The following BCAS3 variants were observed in gnomAD, a reference collection of about 807,000 sequenced individuals.
The protein encoded by BCAS3 is BCAS4/BCAS3 fusion.
In BCAS3, 53 loss-of-function variants were observed where a neutral mutation model predicts 116.1. That is an observed-to-expected ratio of 0.46 (90% CI 0.37 to 0.57). The LOEUF (loss-of-function observed/expected upper bound fraction) is 0.57. BCAS3 is among the 20% of genes least tolerant of loss of function. BCAS3 has a pLI of 0.00. For synonymous variants in BCAS3, 391 were observed against 408.2 expected, an observed-to-expected ratio of 0.96 and a Z score of 0.51; for missense variants, 917 against 1,165.4, an observed-to-expected ratio of 0.79 and a Z score of 3.10.
rs1343804912 is a variant in BCAS3 at position 61,068,634 on chromosome 17, C to T, written c.2030-6286C>T. Among the ~76,000 whole-genome samples, 1 of 152,196 alleles carries T rather than the reference C, an allele frequency of 6.6e-6. No individual in the cohort carries two copies. Among genetic ancestry groups the T allele is most frequent in the Non-Finnish European group, 1.5e-5 (1 of 68,032 alleles). On this transcript the variant is annotated intron_variant, in intron 19 of 23. Coordinates refer to ENST00000407086, the MANE Select transcript of BCAS3 (RefSeq NM_017679.5). This position sits in a 1 kb window ranked among gnomAD's most constrained non-coding sequence, Gnocchi z 4.3. ...TCTACTCTTGTACCATGTGGGATCT[C>T]TTGCCACTTCCCTTAACTCTGCCCA...
intron 22 of BCAS3, among the ~76,000 whole-genome samples, chr17:61,296,024 A>T (rs1001397177): frequency 2.0e-5 from 3 of 152,098 alleles, no homozygotes; most frequent in Non-Finnish European, 4.4e-5. Context: ...TTGCTTAGAC[A>T]GCTCCTGCAT....
chr17:61,270,294 A>AT (rs926342343), intron 22 of BCAS3, among the ~76,000 whole-genome samples: 6 of 145,768 alleles, frequency 4.1e-5, no homozygotes, highest in East Asian at 2.0e-4. Flanking sequence ...TAATTTTTGT[A>AT]TTTTTTTTAG....
At chr17:60,868,544 A>T (rs756492551) in intron 7 of BCAS3, 32 bp from the exon 8 acceptor site, 3 of 1,400,238 alleles carry the variant, frequency 2.1e-6, no homozygotes, top group Non-Finnish European at 2.9e-6. Flanking sequence ...TTTTTAAAAA[A>T]ATGACATTTT....
chr17:60,706,832 CAG>C (rs1180276790), intron 4 of BCAS3, among the ~76,000 whole-genome samples: 2 of 134,976 alleles, frequency 1.5e-5, no homozygotes, highest in African/African-American at 2.9e-5. Context: ...TTGGTGGAGA[CAG>C]GGTCTCACTC....
At chr17:60,924,267 C>T in intron 12 of BCAS3, 140 bp from the exon 13 acceptor site, 1 of 660,204 alleles carries the variant, frequency 1.5e-6, no homozygotes, top group East Asian at 2.7e-5. Flanking sequence ...GGAATTCTCT[C>T]CTTATATTGG....
chr17:60,709,589 A>G (rs960158418), intron 5 of BCAS3: 7 of 312,198 alleles, frequency 2.2e-5, no homozygotes, highest in African/African-American at 1.3e-4. Context: ...GGGTTTTGCC[A>G]TGTTGGCCAG....
chr17:60,791,789 T>C (rs1273579951), intron 6 of BCAS3, among the ~76,000 whole-genome samples: 1 of 152,226 alleles, frequency 6.6e-6, no homozygotes, highest in Non-Finnish European at 1.5e-5. Flanking sequence ...AGTGTTTATC[T>C]TTTTTATGTA....
chr17:60,866,746 T>C (rs1247196862), intron 7 of BCAS3, among the ~76,000 whole-genome samples: 1 of 152,196 alleles, frequency 6.6e-6, no homozygotes, highest in East Asian at 1.9e-4. Context: ...GTCTGTGTCA[T>C]CAGAATATTT....
intron 22 of BCAS3, among the ~76,000 whole-genome samples, chr17:61,183,471 C>T (rs1409579907): frequency 6.6e-6 from 1 of 152,052 alleles, no homozygotes; most frequent in Non-Finnish European, 1.5e-5. Flanking sequence ...TCAAGCTAAG[C>T]ATTGTACAAA....
At position 61,333,413 on chromosome 17, in the gene BCAS3, C is replaced by T. The variant is rs150806301; in HGVS notation, c.2426-34914C>T. ...AGCCAGGCCTAGGACAAAGTGGAGA[C>T]GTCCTGTGAGGCAGGCAGGCCTCTG... On this transcript the variant is annotated intron_variant, in intron 22 of 23. Transcript: ENST00000407086. The surrounding 1 kb of genome is among the most constrained non-coding windows in gnomAD (Gnocchi z 4.8). 3.9e-4 allele frequency among the ~76,000 whole-genome samples: 60 copies of T among 152,254 alleles called. No individual in the cohort carries two copies. Among genetic ancestry groups the T allele is most frequent in the East Asian group, 2.3e-3 (12 of 5,174 alleles).
intron 4 of BCAS3, among the ~76,000 whole-genome samples, chr17:60,693,656 T>G (rs917818281): frequency 2.0e-5 from 3 of 151,532 alleles, no homozygotes; most frequent in African/African-American, 7.3e-5. Flanking sequence ...CAAGCAGTCC[T>G]CCTACCTTTA....
Position 61,104,225 on chromosome 17 carries a change from C to T in BCAS3, c.2425+19661C>T, listed in dbSNP as rs1230434083. On this transcript the variant is annotated intron_variant, in intron 22 of 23. Transcript: ENST00000407086. This position sits in a 1 kb window ranked among gnomAD's most constrained non-coding sequence, Gnocchi z 4.1. ...CTCTCCCATTCCACCTCCCCACCCA[C>T]AGACTCATGTCAGCAAAGATGCTGA... Among the ~76,000 whole-genome samples, 4 of 151,808 alleles carry T rather than the reference C, an allele frequency of 2.6e-5. No individual in the cohort carries two copies. The highest frequency in any genetic ancestry group is 7.3e-5 in the African/African-American group (3 of 41,076).
At chr17:61,321,178 C>T (rs1169183501) in intron 22 of BCAS3, among the ~76,000 whole-genome samples, 2 of 152,008 alleles carry the variant, frequency 1.3e-5, no homozygotes, top group East Asian at 3.9e-4. Flanking sequence ...CTCCAGCTTC[C>T]CTTACCTCTT....
At position 60,994,719 on chromosome 17, in the gene BCAS3, A is replaced by G. The variant is rs1412521447; in HGVS notation, c.1486+4484A>G. On this transcript the variant is annotated intron_variant, in intron 15 of 23. Transcript: ENST00000407086. The surrounding 1 kb of genome is among the most constrained non-coding windows in gnomAD (Gnocchi z 4.4). ...TTTTTTGATAACTTTCCTATTTGCAACTTTTCTTTATTTGACATTATTATT... is the reference window on the plus strand; with the variant it reads ...TTTTTTGATAACTTTCCTATTTGCAGCTTTTCTTTATTTGACATTATTATT... 1.3e-5 allele frequency among the ~76,000 whole-genome samples: 2 copies of G among 152,138 alleles called. No individual in the cohort carries two copies. The highest frequency in any genetic ancestry group is 2.1e-4 in the South Asian group (1 of 4,828).
chr17:61,314,434 C>G (rs571131475), intron 22 of BCAS3, among the ~76,000 whole-genome samples: 1 of 152,222 alleles, frequency 6.6e-6, no homozygotes. Context: ...ACCATCTGAC[C>G]GCATTCCCTC....
In BCAS3 at chr17:61,265,141, C is replaced by T. The variant is rs1022878644; in HGVS notation, c.2426-103186C>T. Among the ~76,000 whole-genome samples, 6 of 152,118 alleles carry T rather than the reference C, an allele frequency of 3.9e-5. No homozygotes were observed. The highest frequency in any genetic ancestry group is 1.4e-4 in the African/African-American group (6 of 41,426). ...AAGAAAGCACAATACCAGCCAGGCGCAATGGCTCATGTCTGTAATCCCAGC... is the reference window on the plus strand; with the variant it reads ...AAGAAAGCACAATACCAGCCAGGCGTAATGGCTCATGTCTGTAATCCCAGC... On this transcript the variant is annotated intron_variant, in intron 22 of 23. Coordinates refer to ENST00000407086, the MANE Select transcript of BCAS3 (RefSeq NM_017679.5). The surrounding 1 kb of genome is among the most constrained non-coding windows in gnomAD (Gnocchi z 4.3).
chr17:60,740,496 C>CT lies in BCAS3; in HGVS notation c.322-6701dup, dbSNP rs1245901311. Among the ~76,000 whole-genome samples, 491 of 113,152 alleles carry CT rather than the reference C, an allele frequency of 4.3e-3. 3 individuals carry two copies. Among genetic ancestry groups the CT allele is most frequent in the African/African-American group, 0.02 (475 of 24,310 alleles). The allele number at this position is 113,152 out of a possible 152,430, so 74.2% of individuals were successfully genotyped here. ...CCTGGGTGACAGGGTGAGACCCTGT[C>CT]TCAAAAAAAAAAAAAAAAAGAAAAA... On this transcript the variant is annotated intron_variant, in intron 5 of 23. Coordinates refer to ENST00000407086, the MANE Select transcript of BCAS3 (RefSeq NM_017679.5).
chr17:60,760,112 C>T (rs954789720), intron 6 of BCAS3, among the ~76,000 whole-genome samples: 3 of 152,190 alleles, frequency 2.0e-5, no homozygotes, highest in Admixed American at 6.5e-5. Context: ...ATACTTGTAT[C>T]ATGTTTCTTT....
At chr17:61,052,564 A>C (rs1300983715) in intron 19 of BCAS3, among the ~76,000 whole-genome samples, 1 of 152,176 alleles carries the variant, frequency 6.6e-6, no homozygotes, top group African/African-American at 2.4e-5. Flanking sequence ...TACTTTGGGA[A>C]TTAGAAAAGA....
Sources: gnomAD v4.1 joint callset for allele counts (sites outside exome capture counted in the v4.1 genomes callset) on GRCh38, gnomAD v4.1.1 for gene constraint, Gnocchi (gnomAD v3.1) non-coding constraint, MANE v1.5 for transcripts, NCBI Gene and HGNC (gene_info 2026-07-23, HGNC 2026-07-21) for gene names.